Variants in CFTR observed in about 807,000 individuals in gnomAD.
CFTR encodes the protein cystic fibrosis transmembrane conductance regulator.
Under a neutral mutation model 171.6 loss-of-function variants are expected in CFTR, and 181 were observed. The ratio of observed to expected loss-of-function variants is 1.05; its 90% CI spans 0.93 to 1.19. The LOEUF (loss-of-function observed/expected upper bound fraction) is 1.19. Ranked by LOEUF, CFTR falls within the 50% of genes most tolerant of loss-of-function variation. The pLI is 0.00. For synonymous variants in CFTR, 583 were observed against 608.0 expected, an observed-to-expected ratio of 0.96 and a Z score of 0.60; for missense variants, 1,968 against 1,734.7, an observed-to-expected ratio of 1.13 and a Z score of -2.39.
At chr7:117,556,374 T>G (rs1181873287) in intron 10 of CFTR, among the ~76,000 whole-genome samples, 1 of 152,046 alleles carries the variant, frequency 6.6e-6, no homozygotes, top group Non-Finnish European at 1.5e-5. Context: ...TTAATATTAT[T>G]GTTACCCAAT....
At chr7:117,507,399 A>T (rs1335026565) in intron 2 of CFTR, among the ~76,000 whole-genome samples, 2 of 152,200 alleles carry the variant, frequency 1.3e-5, no homozygotes, top group Non-Finnish European at 2.9e-5. Context: ...GCCCAGGGTC[A>T]CTAGAGACCT....
chr7:117,585,558 G>T (rs1392701327), intron 11 of CFTR, among the ~76,000 whole-genome samples: 4 of 152,062 alleles, frequency 2.6e-5, no homozygotes, highest in African/African-American at 9.7e-5. Flanking sequence ...AGCCTACAGT[G>T]AATCTATTCA....
chr7:117,624,026 A>T (rs1190101535), intron 21 of CFTR, among the ~76,000 whole-genome samples: 1 of 151,980 alleles, frequency 6.6e-6, no homozygotes, highest in African/African-American at 2.4e-5. Context: ...CAAATTACTT[A>T]AGCTTCAGGC....
At chr7:117,503,162 T>C (rs865895365) in intron 1 of CFTR, among the ~76,000 whole-genome samples, 1 of 152,322 alleles carries the variant, frequency 6.6e-6, no homozygotes, top group South Asian at 2.1e-4. Flanking sequence ...CTATAATGAA[T>C]TTATCCTGCT....
intron 17 of CFTR, among the ~76,000 whole-genome samples, chr7:117,605,479 G>T (rs937959846): frequency 6.6e-6 from 1 of 152,130 alleles, no homozygotes; most frequent in Non-Finnish European, 1.5e-5. Context: ...CCTAGAAAAA[G>T]AGTTATGATA....
intron 21 of CFTR, among the ~76,000 whole-genome samples, chr7:117,619,056 A>G (rs1792534790): frequency 1.3e-5 from 2 of 152,168 alleles, no homozygotes; most frequent in Non-Finnish European, 1.5e-5. Flanking sequence ...CATTCTATAG[A>G]TGGGGTGAAA....
chr7:117,609,524 T>C (rs925137915), intron 18 of CFTR, among the ~76,000 whole-genome samples: 5 of 152,192 alleles, frequency 3.3e-5, no homozygotes, highest in African/African-American at 1.2e-4. Flanking sequence ...GCGGACTTTG[T>C]ACCTTTTAAA....
intron 11 of CFTR, among the ~76,000 whole-genome samples, chr7:117,569,528 A>C (rs1791655963): frequency 6.6e-6 from 1 of 152,212 alleles, no homozygotes; most frequent in African/African-American, 2.4e-5. Context: ...AACATATACA[A>C]ATGCGCTCAA....
chr7:117,651,679 TTC>T lies in CFTR; in HGVS notation c.3874-1161_3874-1160del, dbSNP rs375812033. ...GTCCTAGCTGACCTCTCTAGAGAGT[TTC>T]TGAGACATTTGACAACAACTTTTTC... On this transcript the variant is annotated intron_variant, in intron 23 of 26. Transcript: ENST00000003084. Among the ~76,000 whole-genome samples the T allele has an allele frequency of 7.7e-3, 1,172 of 152,242 alleles. 16 individuals are homozygous for T. Among genetic ancestry groups the T allele is most frequent in the African/African-American group, 0.027 (1,111 of 41,542 alleles).
At chr7:117,637,442 C>A (rs755053405) in intron 22 of CFTR, among the ~76,000 whole-genome samples, 12 of 151,824 alleles carry the variant, frequency 7.9e-5, no homozygotes, top group Non-Finnish European at 1.5e-4. Context: ...GTTTTTTCAC[C>A]CCTTTTGGTG....
chr7:117,612,270 C>T (rs1584823128), intron 20 of CFTR, among the ~76,000 whole-genome samples: 2 of 139,566 alleles, frequency 1.4e-5, no homozygotes, highest in East Asian at 2.0e-4. Context: ...CAGAGTTCCT[C>T]TTGTCGGTAA....
At chr7:117,623,749 T>G (rs1053225429) in intron 21 of CFTR, among the ~76,000 whole-genome samples, 2 of 152,160 alleles carry the variant, frequency 1.3e-5, no homozygotes, top group Non-Finnish European at 2.9e-5. Context: ...GGTAGAATAA[T>G]GAATTCATTT....
chr7:117,494,869 T>A (rs1341029285), intron 1 of CFTR, among the ~76,000 whole-genome samples: 1 of 152,166 alleles, frequency 6.6e-6, no homozygotes, highest in Non-Finnish European at 1.5e-5. Context: ...CCTTTTTCCC[T>A]CTCAGCTACG....
At chr7:117,631,174 C>T (rs1792738179) in intron 22 of CFTR, among the ~76,000 whole-genome samples, 1 of 151,888 alleles carries the variant, frequency 6.6e-6, no homozygotes, top group Admixed American at 6.6e-5. Context: ...GCAATATAGT[C>T]GAAAACTCAG....
intron 21 of CFTR, among the ~76,000 whole-genome samples, chr7:117,622,600 G>C (rs529345039): frequency 6.6e-6 from 1 of 152,136 alleles, no homozygotes; most frequent in East Asian, 1.9e-4. Flanking sequence ...TTATAGTGTT[G>C]CCAGCCAGGT....
intron 16 of CFTR, 122 bp downstream of exon 16, chr7:117,602,985 G>T: frequency 1.0e-6 from 1 of 984,160 alleles, no homozygotes; most frequent in South Asian, 1.3e-5. Context: ...CATTATGGTA[G>T]TGGAAAGATA....
At chr7:117,624,114 T>A (rs1160468698) in intron 21 of CFTR, among the ~76,000 whole-genome samples, 1 of 150,940 alleles carries the variant, frequency 6.6e-6, no homozygotes, top group Non-Finnish European at 1.5e-5. Context: ...AAATATGACT[T>A]TACTTTTTCT....
At chr7:117,535,495 G>T in intron 6 of CFTR, 84 bp downstream of exon 6, 6 of 1,082,882 alleles carry the variant, frequency 5.5e-6, no homozygotes, top group Non-Finnish European at 8.4e-6. Context: ...ACTGCTCTAT[G>T]CATAGAACAG....
intron 1 of CFTR, among the ~76,000 whole-genome samples, chr7:117,500,894 G>T (rs890099761): frequency 6.6e-6 from 1 of 152,148 alleles, no homozygotes; most frequent in Non-Finnish European, 1.5e-5. Flanking sequence ...ATGTGTCATG[G>T]TGTAACATAA....
Sources: gnomAD v4.1 joint callset for allele counts (sites outside exome capture counted in the v4.1 genomes callset) on GRCh38, gnomAD v4.1.1 for gene constraint, MANE v1.5 for transcripts, NCBI Gene and HGNC (gene_info 2026-07-23, HGNC 2026-07-21) for gene names.